Variants in MMP16 observed in about 807,000 individuals in gnomAD.
MMP16 encodes matrix metallopeptidase 16.
MMP16 carries 12 observed loss-of-function variants against 67.8 expected under a neutral mutation model. That is an observed-to-expected ratio of 0.18 (90% CI 0.11 to 0.29). MMP16 has a LOEUF of 0.29. Ranked by LOEUF, MMP16 falls within the 10% of genes least tolerant of loss-of-function variation. The pLI is 1.00. For synonymous variants in MMP16, 249 were observed against 255.9 expected, an observed-to-expected ratio of 0.97 and a Z score of 0.26; for missense variants, 475 against 765.7, an observed-to-expected ratio of 0.62 and a Z score of 4.48.
chr8:88,111,909 G>C (rs1225052149), intron 6 of MMP16, among the ~76,000 whole-genome samples: 1 of 151,850 alleles, frequency 6.6e-6, no homozygotes, highest in Non-Finnish European at 1.5e-5. Flanking sequence ...AGAATAAACA[G>C]TGTGTGATAA....
chr8:88,170,070 G>A (rs1808775451), intron 3 of MMP16, among the ~76,000 whole-genome samples: 4 of 152,180 alleles, frequency 2.6e-5, no homozygotes, highest in Admixed American at 2.6e-4. Flanking sequence ...GAGATTTTGA[G>A]AAGTGGTTGT....
intron 4 of MMP16, among the ~76,000 whole-genome samples, chr8:88,145,232 T>C (rs1234471580): frequency 4.6e-5 from 7 of 151,984 alleles, no homozygotes; most frequent in Non-Finnish European, 7.4e-5. Context: ...GTATAGCCTG[T>C]TGCTCCTAGG....
chr8:88,269,679 A>G (rs1264115848), intron 1 of MMP16, among the ~76,000 whole-genome samples: 1 of 152,142 alleles, frequency 6.6e-6, no homozygotes, highest in Non-Finnish European at 1.5e-5. Context: ...CAATGACCCA[A>G]TAACTGAAGT....
intron 4 of MMP16, among the ~76,000 whole-genome samples, chr8:88,158,630 A>C (rs1335469256): frequency 6.6e-6 from 1 of 152,112 alleles, no homozygotes; most frequent in Non-Finnish European, 1.5e-5. Context: ...GTTCACTCTG[A>C]TGGTAGTTTC....
chr8:88,136,965 A>G (rs1808129639), intron 4 of MMP16, among the ~76,000 whole-genome samples: 1 of 151,824 alleles, frequency 6.6e-6, no homozygotes, highest in South Asian at 2.1e-4. Flanking sequence ...ATGTTTGTGT[A>G]TGTGTTATAT....
At chr8:88,303,035 C>G (rs557785213) in intron 1 of MMP16, among the ~76,000 whole-genome samples, 21 of 152,294 alleles carry the variant, frequency 1.4e-4, no homozygotes, top group African/African-American at 4.8e-4. Context: ...TTCGTGAGCC[C>G]ACGCCACCAG....
chr8:88,282,547 T>G (rs1484608352), intron 1 of MMP16, among the ~76,000 whole-genome samples: 3 of 152,234 alleles, frequency 2.0e-5, no homozygotes, highest in African/African-American at 7.2e-5. Context: ...TGCTACTTTC[T>G]TTCTCTTTCC....
chr8:88,126,420 T>G lies in MMP16; in HGVS notation c.710-7559A>C, dbSNP rs1416305029. On this transcript the variant is annotated intron_variant, in intron 4 of 9. Transcript: ENST00000286614. ...ATTATGGAATTATTTTTGCCCTACT[T>G]AAGTCCTGTAAGACATACTGGGGTA... Among the ~76,000 whole-genome samples the G allele has an allele frequency of 4.6e-5, 7 of 152,006 alleles. No individual in the cohort carries two copies. In the East Asian group the frequency reaches 1.4e-3, roughly 30 times the overall value.
At chr8:88,107,098 TC>T (rs1809255385) in intron 6 of MMP16, among the ~76,000 whole-genome samples, 1 of 151,226 alleles carries the variant, frequency 6.6e-6, no homozygotes, top group South Asian at 2.1e-4. Flanking sequence ...TAGATTTTTT[TC>T]CCTGACTCTA....
intron 7 of MMP16, among the ~76,000 whole-genome samples, chr8:88,061,934 C>G (rs1204430466): frequency 6.6e-6 from 1 of 151,620 alleles, no homozygotes; most frequent in African/African-American, 2.4e-5. Flanking sequence ...CTTATATTCC[C>G]TTTATGAAAA....
At position 88,149,000 on chromosome 8, in the gene MMP16, G is replaced by A. The variant is rs537292339; in HGVS notation, c.709+18669C>T. Among the ~76,000 whole-genome samples, 18 of 152,332 alleles carry A rather than the reference G, an allele frequency of 1.2e-4. 1 individual carries two copies. The East Asian group carries it at 3.3e-3, about 28-fold the overall frequency. On this transcript the variant is annotated intron_variant, in intron 4 of 9. Transcript: ENST00000286614. Reference sequence around the variant, plus strand: ...AGACAGTGGGCGCAGGCCAGTGGGTGCGCGCACCGGGCGCGAGCCAAAGCA... The same window carrying A: ...AGACAGTGGGCGCAGGCCAGTGGGTACGCGCACCGGGCGCGAGCCAAAGCA...
chr8:88,069,501 A>G (rs754201114), intron 7 of MMP16: 2 of 520,080 alleles, frequency 3.8e-6, no homozygotes, highest in East Asian at 5.5e-5. Flanking sequence ...ATCTTGGATT[A>G]TAGATAGAGT....
At chr8:88,070,545 T>C (rs1808535905) in intron 7 of MMP16, among the ~76,000 whole-genome samples, 3 of 152,096 alleles carry the variant, frequency 2.0e-5, no homozygotes, top group Admixed American at 2.0e-4. Flanking sequence ...CCAATACGTA[T>C]GGGGGTCCAT....
intron 1 of MMP16, among the ~76,000 whole-genome samples, chr8:88,245,168 G>A (rs1189845315): frequency 2.0e-5 from 3 of 152,084 alleles, no homozygotes; most frequent in Admixed American, 6.5e-5. Flanking sequence ...CTCTCAATAC[G>A]CGAATATTGG....
Position 88,324,263 on chromosome 8 carries a change from A to G in MMP16, c.132+2812T>C, listed in dbSNP as rs117977464. Among the ~76,000 whole-genome samples, 319 of 152,286 alleles carry G rather than the reference A, an allele frequency of 2.1e-3. 12 individuals carry two copies. In the East Asian group the frequency reaches 0.055, roughly 26 times the overall value. On this transcript the variant is annotated intron_variant, in intron 1 of 9. Coordinates refer to ENST00000286614, the MANE Select transcript of MMP16 (RefSeq NM_005941.5). ...TCTCTTTCTGTAACAGGATTTCATC[A>G]CCATATTAAAAATATCTCTCACTTC...
At chr8:88,233,835 G>T (rs1809900299) in intron 1 of MMP16, among the ~76,000 whole-genome samples, 1 of 152,192 alleles carries the variant, frequency 6.6e-6, no homozygotes, top group African/African-American at 2.4e-5. Flanking sequence ...CATTTGAACA[G>T]ATATTTAATG....
At chr8:88,203,285 A>C (rs1809373555) in intron 1 of MMP16, among the ~76,000 whole-genome samples, 1 of 151,752 alleles carries the variant, frequency 6.6e-6, no homozygotes, top group South Asian at 2.1e-4. Flanking sequence ...TTGTATTTTT[A>C]GTAGAGACGA....
At chr8:88,285,935 C>T (rs1159923033) in intron 1 of MMP16, among the ~76,000 whole-genome samples, 2 of 152,146 alleles carry the variant, frequency 1.3e-5, no homozygotes, top group African/African-American at 4.8e-5. Flanking sequence ...CTGCAACACT[C>T]CTTCTCTTCA....
In MMP16 at chr8:88,186,596, C is replaced by T; in HGVS notation, c.284G>A (p.Trp95Ter). The T allele has an allele frequency of 7.1e-7, 1 of 1,408,524 alleles. No individual in the cohort carries two copies. Among genetic ancestry groups the T allele is most frequent in the Non-Finnish European group, 9.4e-7 (1 of 1,063,640 alleles). 87.3% of individuals were successfully genotyped at this position (1,408,524 alleles called of 1,614,324 possible). Residue 95 changes from tryptophan (W) to a stop codon, truncating the protein, a stop_gained and splice_region_variant, in exon 3 of 10, where the codon TGG becomes TAG. Transcript: ENST00000286614. LOFTEE classifies it high-confidence loss of function. ...TACACCGCATCGGGGCTTCTTCATC[C>T]AGCTGCAAAAAAAAAAAAAAAAAAA... is the stretch of plus-strand genomic sequence containing the variant. ...TGKVDRNTID[W>*]MKKPRCGVPD...
Sources: allele counts gnomAD v4.1 joint callset (sites outside exome capture counted in the v4.1 genomes callset), GRCh38; gene constraint gnomAD v4.1.1; transcripts MANE v1.5; gene names NCBI Gene and HGNC (gene_info 2026-07-23, HGNC 2026-07-21).